The following CCDC191 variants were observed in gnomAD, a reference collection of about 807,000 sequenced individuals.
CCDC191 encodes coiled-coil domain containing 191.
A neutral mutation model predicts 114.0 loss-of-function variants in CCDC191; 99 were observed. The ratio of observed to expected loss-of-function variants is 0.87; its 90% confidence interval spans 0.74 to 1.03. CCDC191 has a LOEUF of 1.03. Ranked by LOEUF, CCDC191 falls within the 50% of genes least tolerant of loss-of-function variation. The pLI, the probability that CCDC191 is intolerant of heterozygous loss-of-function variation, is 0.00. For synonymous variants in CCDC191, 351 were observed against 376.0 expected (o/e 0.93, Z 0.77); for missense variants, 973 against 1,087.0 (o/e 0.90, Z 1.47).
chr3:114,024,816 G>A (rs2076296855), intron 7 of CCDC191, among the ~76,000 whole-genome samples: 1 of 152,140 alleles, frequency 6.6e-6, no homozygotes, highest in Non-Finnish European at 1.5e-5. Context: ...AAACCTGCAC[G>A]TTGTGCACAT....
intron 4 of CCDC191, among the ~76,000 whole-genome samples, chr3:114,040,001 C>T (rs1232515871): frequency 1.3e-5 from 2 of 152,338 alleles, no homozygotes; most frequent in East Asian, 3.9e-4. Flanking sequence ...AACTCACTCA[C>T]TGACTAACCC....
At chr3:114,028,752 A>T (rs2076361606) in intron 7 of CCDC191, among the ~76,000 whole-genome samples, 1 of 150,548 alleles carries the variant, frequency 6.6e-6, no homozygotes, top group Non-Finnish European at 1.5e-5. Context: ...ATTATTATAA[A>T]TTCACAGTTA....
Position 114,051,407 on chromosome 3 carries a change from A to G in CCDC191, c.129+2190T>C, listed in dbSNP as rs372601828. Among the ~76,000 whole-genome samples, 23 of 152,280 alleles carry G rather than the reference A, an allele frequency of 1.5e-4. No homozygotes were observed. In the East Asian group the frequency reaches 2.7e-3, roughly 18 times the overall value. On this transcript the variant is annotated intron_variant, in intron 2 of 16. Transcript: ENST00000295878. ...CAGAGAAAACCTCCAAGTCTGGATC[A>G]ATCTGATCTACCTATTTTTAGTACC...
At position 114,046,614 on chromosome 3, in the gene CCDC191, T is replaced by A. The variant is rs2076633542; in HGVS notation, c.248A>T (p.Asp83Val). The stretch of plus-strand genomic sequence containing the variant: ...ACCTTCTGCATAGATTTCATCATGA[T>A]CCTCTATTTGCTCAGATGTTTTCAA... ...TDLKTSEQIE[D>V]HDEIYAEAQE... Residue 83 changes from aspartate to valine, a missense_variant, in exon 3 of 17, where the codon GAT becomes GTT. By Grantham distance (152) the Asp-to-Val change is radical. Transcript: ENST00000295878. The A allele has an allele frequency of 6.3e-7, 1 of 1,599,428 alleles. No individual in the cohort carries two copies. Among genetic ancestry groups the A allele is most frequent in the Non-Finnish European group, 8.6e-7 (1 of 1,166,928 alleles).
In CCDC191 at chr3:113,978,893, T is replaced by G; in HGVS notation, c.2425A>C (p.Ile809Leu). ...CTCTGGATGACTCTCTTAAGCAGTA[T>G]TTGGGAATAAAATTGATCAGCCTGG... ...MAQADQFYSQ[I>L]LLKRVIQSWL... Residue 809 changes from isoleucine (I) to leucine (L), a missense_variant, in exon 15 of 17, where the codon ATA becomes CTA. By Grantham distance (5) the Ile-to-Leu change is conservative. Transcript: ENST00000295878. 1 of 1,614,006 alleles carries G rather than the reference T, an allele frequency of 6.2e-7. No individual in the cohort carries two copies. Among genetic ancestry groups the G allele is most frequent in the South Asian group, 1.1e-5 (1 of 91,076 alleles).
chr3:114,018,465 G>A (rs1471563273), intron 8 of CCDC191, among the ~76,000 whole-genome samples: 2 of 151,760 alleles, frequency 1.3e-5, no homozygotes, highest in African/African-American at 2.4e-5. Context: ...ACACCCCACT[G>A]CTCCCGGCTA....
chr3:113,997,059 G>A (rs1452605271), intron 13 of CCDC191, among the ~76,000 whole-genome samples: 1 of 152,056 alleles, frequency 6.6e-6, no homozygotes. Context: ...AAGATAAATG[G>A]AACTGTACAT....
At chr3:113,980,523 C>T (rs760318418) in intron 14 of CCDC191, 127 bp downstream of exon 14, 4 of 868,516 alleles carry the variant, frequency 4.6e-6, no homozygotes, top group Non-Finnish European at 6.8e-6. Context: ...CAAATACACA[C>T]ATTCAATTAA....
intron 13 of CCDC191, among the ~76,000 whole-genome samples, chr3:113,994,580 CT>C (rs35624147): frequency 0.45 from 58,542 of 128,936 alleles, 12,702 homozygotes; most frequent in Middle Eastern, 0.58. Flanking sequence ...AAACTAAATT[CT>C]TTTTTTTTTT....
rs138536768 is a variant in CCDC191 at position 114,053,370 on chromosome 3, A to C, written c.129+227T>G. On this transcript the variant is annotated intron_variant, in intron 2 of 16. Transcript: ENST00000295878. ...GTGATACTCATGGCATTTGAAACGAAGTCTACACACCTGTTTTCTTGTCAT... is the reference window on the plus strand; with the variant it reads ...GTGATACTCATGGCATTTGAAACGACGTCTACACACCTGTTTTCTTGTCAT... 5.3e-4 allele frequency among the ~76,000 whole-genome samples: 80 copies of C among 152,262 alleles called. No homozygotes were observed. In the East Asian group the frequency reaches 0.014, roughly 26 times the overall value.
chr3:114,046,014 G>C (rs2076624694), intron 3 of CCDC191, among the ~76,000 whole-genome samples: 1 of 152,146 alleles, frequency 6.6e-6, no homozygotes, highest in Non-Finnish European at 1.5e-5. Context: ...TGGAATAACT[G>C]GAGACATGAG....
Position 114,005,668 on chromosome 3 carries a change from G to A in CCDC191, c.1708C>T (p.Leu570Phe). 3 of 1,614,150 alleles carry A rather than the reference G, an allele frequency of 1.9e-6. No individual in the cohort carries two copies. Among genetic ancestry groups the A allele is most frequent in the South Asian group, 1.1e-5 (1 of 91,084 alleles). ...QQLIEKQKKKLQEQQKTILEL... is the reference protein window; with the variant it reads ...QQLIEKQKKKFQEQQKTILEL... Reference sequence around the variant, plus strand: ...AGAATTGTTTTCTGCTGTTCCTGAAGTTTCTTCTTTTGCTTCTCAATCAGC... The same window carrying A: ...AGAATTGTTTTCTGCTGTTCCTGAAATTTCTTCTTTTGCTTCTCAATCAGC... The change falls in exon 10 of 17, where the codon CTT (leucine) becomes TTT (phenylalanine). Residue 570 changes from leucine (L) to phenylalanine (F), a missense_variant. Transcript: ENST00000295878.
chr3:113,972,584 C>G (rs1006615290), intron 16 of CCDC191, among the ~76,000 whole-genome samples: 2 of 151,872 alleles, frequency 1.3e-5, no homozygotes, highest in Non-Finnish European at 2.9e-5. Flanking sequence ...AATGTCAGAC[C>G]TATTTGGCCT....
chr3:113,978,519 A>C, intron 15 of CCDC191, 188 bp from the exon 16 acceptor site: 1 of 635,324 alleles, frequency 1.6e-6, no homozygotes. Flanking sequence ...TGGTAAGAGA[A>C]CACATGAATA....
chr3:114,013,075 A>G (rs1374476983), intron 8 of CCDC191, among the ~76,000 whole-genome samples: 1 of 151,894 alleles, frequency 6.6e-6, no homozygotes, highest in Non-Finnish European at 1.5e-5. Flanking sequence ...GTGAAACTTC[A>G]TCTCTACAAA....
At chr3:114,022,390 G>T (rs982115563) in intron 7 of CCDC191, among the ~76,000 whole-genome samples, 4 of 152,112 alleles carry the variant, frequency 2.6e-5, no homozygotes, top group Admixed American at 1.3e-4. Flanking sequence ...AATGAAGTGG[G>T]TAACTCATCA....
intron 10 of CCDC191, among the ~76,000 whole-genome samples, chr3:114,005,023 AT>A (rs1391715871): frequency 6.6e-6 from 1 of 152,204 alleles, no homozygotes; most frequent in Non-Finnish European, 1.5e-5. Flanking sequence ...ACCACATGCA[AT>A]GAGTATGTCT....
At chr3:114,046,401 C>T (rs1005895248) in intron 3 of CCDC191, among the ~76,000 whole-genome samples, 190 bp downstream of exon 3, 1 of 152,128 alleles carries the variant, frequency 6.6e-6, no homozygotes, top group Non-Finnish European at 1.5e-5. Flanking sequence ...ATTTGGGAAA[C>T]AAAATGAGGC....
intron 11 of CCDC191, chr3:114,003,929 C>G (rs2075899364): frequency 2.0e-6 from 2 of 985,236 alleles, no homozygotes; most frequent in South Asian, 4.7e-5. Flanking sequence ...AGCAGATTCA[C>G]TAGGTGGGTT....
Sources: gnomAD v4.1 joint callset for allele counts (sites outside exome capture counted in the v4.1 genomes callset) on GRCh38, gnomAD v4.1.1 for gene constraint, MANE v1.5 for transcripts, NCBI Gene and HGNC (gene_info 2026-07-23, HGNC 2026-07-21) for gene names.